The following CLIC6 variants were observed in gnomAD, a reference collection of about 807,000 sequenced individuals.
CLIC6 encodes CLIC family member 6.
A neutral mutation model predicts 49.2 loss-of-function variants in CLIC6; 39 were observed. That is an observed-to-expected ratio of 0.79 (90% CI 0.61 to 1.04). The LOEUF is 1.04. CLIC6 is among the 50% of genes least tolerant of loss of function. The pLI is 0.00. For synonymous variants in CLIC6, 446 were observed against 433.4 expected (o/e 1.03, Z -0.36); for missense variants, 988 against 993.1 (o/e 0.99, Z 0.07).
intron 1 of CLIC6, 109 bp from the exon 2 acceptor site, chr21:34,707,171 A>G (rs2056020016): frequency 5.8e-6 from 5 of 860,998 alleles, no homozygotes; most frequent in African/African-American, 1.7e-5. Context: ...TATTCGCAGC[A>G]TCCTGACCGT....
intron 1 of CLIC6, among the ~76,000 whole-genome samples, chr21:34,685,760 G>A (rs1269230078): frequency 6.6e-6 from 1 of 152,166 alleles, no homozygotes; most frequent in African/African-American, 2.4e-5. Context: ...ATATTATAAT[G>A]CTTTGAATCA....
chr21:34,708,900 C>T (rs2056036175), intron 4 of CLIC6, 94 bp downstream of exon 4: 1 of 892,368 alleles, frequency 1.1e-6, no homozygotes, highest in African/African-American at 1.7e-5. Flanking sequence ...ATCTATTTCC[C>T]AGTGGGTAGA....
At chr21:34,674,930 G>A (rs1403518727) in intron 1 of CLIC6, among the ~76,000 whole-genome samples, 10 of 152,134 alleles carry the variant, frequency 6.6e-5, no homozygotes, top group Admixed American at 2.6e-4. Context: ...CTTGCTTACG[G>A]CTTTGGTTCC....
At chr21:34,700,109 T>C (rs1340229178) in intron 1 of CLIC6, among the ~76,000 whole-genome samples, 1 of 152,136 alleles carries the variant, frequency 6.6e-6, no homozygotes, top group Non-Finnish European at 1.5e-5. Flanking sequence ...CTTTTCCTAT[T>C]GTCACATCTG....
chr21:34,708,725 C>G lies in CLIC6; in HGVS notation c.1636C>G (p.Pro546Ala), dbSNP rs2056034106. The G allele has an allele frequency of 1.9e-6, 3 of 1,614,018 alleles. No individual in the cohort carries two copies. The highest frequency in any genetic ancestry group is 2.5e-6 in the Non-Finnish European group (3 of 1,179,972). The change falls in exon 4 of 6, where the codon CCC becomes GCC. Residue 546 changes from proline (P) to alanine (A), a missense_variant. Physicochemically the swap from Pro to Ala is conservative, Grantham distance 27. Coordinates refer to ENST00000349499, the MANE Select transcript of CLIC6 (RefSeq NM_053277.3). ...GTATCCCAAGCTGGGGACCCAACAT[C>G]CCGAATCTAATTCCGCAGGAAATGA... ...PRYPKLGTQH[P>A]ESNSAGNDVF...
rs1241399078 is a variant in CLIC6, at chr21:34,716,441, A to T, written c.2020A>T (p.Ile674Phe). 6.2e-7 allele frequency: 1 copy of T among 1,613,782 alleles called. No homozygotes were observed. Among genetic ancestry groups the T allele is most frequent in the African/African-American group, 1.3e-5 (1 of 74,934 alleles). Reference sequence around the variant, plus strand: ...AAATACGTGTCCAGCTGATCAAGAGATTGAACACGCATATTCAGATGTTGC... The same window carrying T: ...AAATACGTGTCCAGCTGATCAAGAGTTTGAACACGCATATTCAGATGTTGC... ...FTNTCPADQEIEHAYSDVAKR... is the reference protein window; with the variant it reads ...FTNTCPADQEFEHAYSDVAKR... Residue 674 changes from isoleucine to phenylalanine, a missense_variant, in exon 6 of 6, where the codon ATT (isoleucine) becomes TTT (phenylalanine). Ile to Phe is a conservative substitution (Grantham distance 21). Transcript: ENST00000349499.
intron 1 of CLIC6, among the ~76,000 whole-genome samples, chr21:34,703,664 G>A (rs2055994965): frequency 6.6e-6 from 1 of 152,162 alleles, no homozygotes. Context: ...GTAATTTAGA[G>A]AGGGCGTGTG....
At position 34,717,667 on chromosome 21, in the gene CLIC6, T is replaced by A. The variant is rs903369174; in HGVS notation, c.*1185T>A. On this transcript the variant is annotated 3_prime_UTR_variant, in exon 6 of 6. Transcript: ENST00000349499. ...GCGTGGAAGAGAAAATGTGAGGTTG[T>A]TTAGATACTCATCAGGACCTCACAG... 1 of 152,176 alleles carries A rather than the reference T, an allele frequency of 6.6e-6. No homozygotes were observed. Among genetic ancestry groups the A allele is most frequent in the African/African-American group, 2.4e-5 (1 of 41,434 alleles). 9.4% of individuals were successfully genotyped at this position (152,176 alleles called of 1,614,324 possible).
At chr21:34,705,691 G>A (rs1232000810) in intron 1 of CLIC6, among the ~76,000 whole-genome samples, 2 of 152,162 alleles carry the variant, frequency 1.3e-5, no homozygotes, top group South Asian at 2.1e-4. Flanking sequence ...ATGCAGTAAG[G>A]TCACCTATTA....
Position 34,669,681 on chromosome 21 carries a change from G to A in CLIC6, c.293G>A (p.Gly98Glu), listed in dbSNP as rs1051292414. ...GAPEGAEVPQ[G>E]GEETSGAQQV... ...CCGGAGGGTGCCGAGGTGCCCCAAG[G>A]AGGGGAGGAGACAAGCGGCGCGCAG... Residue 98 changes from glycine (G) to glutamate (E), a missense_variant, in exon 1 of 6, where the codon GGA becomes GAA. Gly to Glu is a moderately conservative substitution (Grantham distance 98). Around this residue, in one of 3 missense-constraint regions of CLIC6, gnomAD observed 284 missense variants for 278.6 expected, o/e 1.02. Coordinates refer to ENST00000349499, the MANE Select transcript of CLIC6 (RefSeq NM_053277.3). 1 of 1,361,540 alleles carries A rather than the reference G, an allele frequency of 7.3e-7. No homozygotes were observed. 84.3% of individuals were successfully genotyped at this position (1,361,540 alleles called of 1,614,324 possible). A position where few individuals can be genotyped will look rare whatever the true frequency, so the allele number is the denominator to read the frequency against.
intron 1 of CLIC6, among the ~76,000 whole-genome samples, chr21:34,682,313 G>C (rs1446940740): frequency 1.3e-5 from 2 of 152,146 alleles, no homozygotes; most frequent in Non-Finnish European, 2.9e-5. Context: ...AAACTTCTCT[G>C]CTGAGGTATT....
At chr21:34,696,856 C>T (rs1271777143) in intron 1 of CLIC6, among the ~76,000 whole-genome samples, 1 of 152,020 alleles carries the variant, frequency 6.6e-6, no homozygotes, top group African/African-American at 2.4e-5. Flanking sequence ...TTATGTATCT[C>T]CTTTTTAGAA....
Position 34,669,815 on chromosome 21 carries a change from C to T in CLIC6, c.427C>T (p.Gln143Ter). The T allele has an allele frequency of 6.4e-6, 9 of 1,411,470 alleles. No individual in the cohort carries two copies. The highest frequency in any genetic ancestry group is 8.2e-6 in the Non-Finnish European group (9 of 1,091,904). 87.4% of individuals were successfully genotyped at this position (1,411,470 alleles called of 1,614,324 possible). Residue 143 changes from glutamine to a stop codon, truncating the protein, a stop_gained, in exon 1 of 6, where the codon CAG becomes TAG. Coordinates refer to ENST00000349499, the MANE Select transcript of CLIC6 (RefSeq NM_053277.3). LOFTEE classifies it high-confidence loss of function. ...AAPERQEEAE[Q>*]RPEVPEGSAS... ...CCCCGAGAGGCAGGAGGAGGCGGAG[C>T]AGAGGCCTGAGGTCCCGGAAGGTAG...
At chr21:34,671,142 AG>A (rs67649111) in intron 1 of CLIC6, among the ~76,000 whole-genome samples, 38,350 of 89,418 alleles carry the variant, frequency 0.43, 5,549 homozygotes, top group East Asian at 0.53. Context: ...AAAAAAAAAA[AG>A]AAGAAGAAGA....
rs1287096449 is a variant in CLIC6 at position 34,700,458 on chromosome 21, A to AG, written c.1375-6822_1375-6821insG. Among the ~76,000 whole-genome samples, 2 of 139,676 alleles carry AG rather than the reference A, an allele frequency of 1.4e-5. 1 individual carries two copies. The highest frequency in any genetic ancestry group is 3.1e-5 in the Non-Finnish European group (2 of 64,490). The allele number at this position is 139,676 out of a possible 152,430, so 91.6% of individuals were successfully genotyped here. On this transcript the variant is annotated intron_variant, in intron 1 of 5. Transcript: ENST00000349499. ...CGAGACTCCGTCTCAAAAAAAAAAA[A>AG]AAAAGAAAAGAAAAGAATAAGAGAA...
chr21:34,711,404 C>T (rs1440997156), intron 5 of CLIC6, among the ~76,000 whole-genome samples: 9 of 151,914 alleles, frequency 5.9e-5, no homozygotes, highest in East Asian at 5.8e-4. Flanking sequence ...TGGTGGTGTG[C>T]GCCTGTAGTC....
At chr21:34,702,065 C>G (rs1396409580) in intron 1 of CLIC6, among the ~76,000 whole-genome samples, 1 of 152,198 alleles carries the variant, frequency 6.6e-6, no homozygotes, top group Admixed American at 6.5e-5. Context: ...CTGTGAGGCA[C>G]TTTCTACGGG....
chr21:34,685,318 G>A (rs1989856581), intron 1 of CLIC6, among the ~76,000 whole-genome samples: 1 of 152,296 alleles, frequency 6.6e-6, no homozygotes, highest in Admixed American at 6.5e-5. Flanking sequence ...ATTCTGATGG[G>A]GTCCTTAGGG....
chr21:34,669,833 G>C lies in CLIC6; in HGVS notation c.445G>C (p.Glu149Gln). Residue 149 changes from glutamate to glutamine, a missense_variant, in exon 1 of 6, where the codon GAA (glutamate) becomes CAA (glutamine). Physicochemically the swap from Glu to Gln is conservative, Grantham distance 29 (BLOSUM62 2). Around this residue, in one of 3 missense-constraint regions of CLIC6, gnomAD observed 284 missense variants for 278.6 expected, o/e 1.02. Coordinates refer to ENST00000349499, the MANE Select transcript of CLIC6 (RefSeq NM_053277.3). ...GGCGGAGCAGAGGCCTGAGGTCCCGGAAGGTAGCGCGTCCGGGGAGGCGGG... is the reference window on the plus strand; with the variant it reads ...GGCGGAGCAGAGGCCTGAGGTCCCGCAAGGTAGCGCGTCCGGGGAGGCGGG... The part of the protein sequence containing the change: ...EEAEQRPEVP[E>Q]GSASGEAGDS... 2 of 1,417,368 alleles carry C rather than the reference G, an allele frequency of 1.4e-6. No homozygotes were observed. The highest frequency in any genetic ancestry group is 1.8e-6 in the Non-Finnish European group (2 of 1,095,080). The allele number at this position is 1,417,368 out of a possible 1,614,324, so 87.8% of individuals were successfully genotyped here. A position where few individuals can be genotyped will look rare whatever the true frequency, so the allele number is the denominator to read the frequency against.
Sources: gnomAD v4.1 joint callset for allele counts (sites outside exome capture counted in the v4.1 genomes callset) on GRCh38, gnomAD v4.1.1 for gene constraint, gnomAD v4.1.1 regional missense constraint, MANE v1.5 for transcripts, NCBI Gene and HGNC (gene_info 2026-07-23, HGNC 2026-07-21) for gene names.